Variants in ABCC1 observed in about 807,000 individuals in gnomAD.
The protein encoded by ABCC1 is multidrug resistance-associated protein 1.
ABCC1 carries 83 observed loss-of-function variants against 172.9 expected under a neutral mutation model. The ratio of observed to expected loss-of-function variants is 0.48; its 90% confidence interval spans 0.40 to 0.58. ABCC1 has a LOEUF of 0.58. ABCC1 is among the 20% of genes least tolerant of loss of function. ABCC1 has a pLI of 0.00. For synonymous variants in ABCC1, 937 were observed against 825.2 expected (o/e 1.14, Z -2.32); for missense variants, 1,817 against 2,002.7 (o/e 0.91, Z 1.77).
At chr16:16,062,645 C>T (rs922596489) in intron 12 of ABCC1, among the ~76,000 whole-genome samples, 3 of 152,140 alleles carry the variant, frequency 2.0e-5, no homozygotes, top group Non-Finnish European at 4.4e-5. Flanking sequence ...TTGTCCTGGC[C>T]GAGGCATCGA....
intron 6 of ABCC1, 118 bp from the exon 7 acceptor site, chr16:16,036,354 G>T (rs1489824700): frequency 1.4e-5 from 13 of 909,268 alleles, no homozygotes; most frequent in Non-Finnish European, 2.1e-5. Context: ...ATTTGCAGCG[G>T]GCAGCTGTGC....
At chr16:16,122,241 A>G in intron 24 of ABCC1, 67 bp downstream of exon 24, 2 of 1,564,754 alleles carry the variant, frequency 1.3e-6, no homozygotes, top group Admixed American at 3.4e-5. Flanking sequence ...CTTTGCCTCG[A>G]TCTTTTCCTC....
intron 1 of ABCC1, among the ~76,000 whole-genome samples, chr16:15,967,773 C>A (rs12923333): frequency 2.4e-4 from 33 of 138,108 alleles, no homozygotes; most frequent in African/African-American, 8.7e-4. Flanking sequence ...AAAAAAAAAA[C>A]AACAAAAAAA....
chr16:15,982,803 C>CAAAAAAAAAAAA (rs148834444), intron 1 of ABCC1, among the ~76,000 whole-genome samples: 627 of 43,178 alleles, frequency 0.015, 106 homozygotes, highest in African/African-American at 0.043. Context: ...GAGACGCTGT[C>CAAAAAAAAAAAA]AAAAAAAAAA....
intron 23 of ABCC1, 137 bp from the exon 24 acceptor site, chr16:16,121,838 T>G: frequency 1.2e-6 from 1 of 824,154 alleles, no homozygotes; most frequent in Non-Finnish European, 1.9e-6. Context: ...TGGGCACCCC[T>G]GTGAGGGCAG....
At chr16:15,985,647 G>T (rs576293075) in intron 1 of ABCC1, among the ~76,000 whole-genome samples, 2 of 152,102 alleles carry the variant, frequency 1.3e-5, no homozygotes, top group African/African-American at 4.8e-5. Context: ...GTTTCTTCAT[G>T]TTGGTCGGGC....
chr16:16,047,854 G>A (rs547751043), intron 9 of ABCC1, among the ~76,000 whole-genome samples: 3 of 108,268 alleles, frequency 2.8e-5, no homozygotes, highest in South Asian at 3.1e-4. Flanking sequence ...AGAAAAACCC[G>A]GCCGCATGTG....
intron 22 of ABCC1, among the ~76,000 whole-genome samples, chr16:16,111,899 C>T (rs1206191331): frequency 6.6e-6 from 1 of 152,152 alleles, no homozygotes; most frequent in Admixed American, 6.5e-5. Flanking sequence ...TTTGCTTTGT[C>T]ACAGTGACAG....
chr16:16,136,397 G>T, intron 28 of ABCC1, 81 bp from the exon 29 acceptor site: 2 of 1,506,090 alleles, frequency 1.3e-6, no homozygotes, highest in Non-Finnish European at 1.8e-6. Context: ...AACAGTCCTG[G>T]CCAGAAGTCC....
At chr16:16,099,988 AG>A (rs929435623) in intron 19 of ABCC1, among the ~76,000 whole-genome samples, 2 of 152,084 alleles carry the variant, frequency 1.3e-5, no homozygotes, top group Non-Finnish European at 2.9e-5. Context: ...TGGGAGGCTG[AG>A]GTGGGAGGAT....
chr16:16,105,714 C>CTTTTTTTTTTTTTTTT (rs71137912), intron 20 of ABCC1, among the ~76,000 whole-genome samples: 1 of 130,396 alleles, frequency 7.7e-6, no homozygotes, highest in Non-Finnish European at 1.6e-5. Flanking sequence ...CTTTTCTTTT[C>CTTTTTTTTTTTTTTTT]TTTTTTTTTT....
intron 5 of ABCC1, among the ~76,000 whole-genome samples, chr16:16,027,468 G>GT (rs560193338): frequency 7.9e-5 from 12 of 152,080 alleles, no homozygotes; most frequent in South Asian, 4.1e-4. Context: ...ACCCACTGGG[G>GT]TTTTTTCCCC....
At chr16:16,120,803 C>T (rs903186679) in intron 23 of ABCC1, among the ~76,000 whole-genome samples, 27 of 152,044 alleles carry the variant, frequency 1.8e-4, no homozygotes, top group African/African-American at 5.5e-4. Flanking sequence ...GGGAGGCCAT[C>T]GGAGGGGGGT....
intron 6 of ABCC1, among the ~76,000 whole-genome samples, chr16:16,035,403 A>G (rs2048716489): frequency 6.6e-6 from 1 of 152,134 alleles, no homozygotes. Flanking sequence ...TTAATATAAT[A>G]AAACTCAATA....
chr16:15,949,197 G>A (rs1054276456), upstream of ABCC1, among the ~76,000 whole-genome samples: 1 of 152,166 alleles, frequency 6.6e-6, no homozygotes, highest in Admixed American at 6.5e-5. Context: ...CTTCCTTCAT[G>A]AACGTGGAGA....
intron 16 of ABCC1, among the ~76,000 whole-genome samples, chr16:16,080,915 A>C (rs1253554703): frequency 2.0e-5 from 3 of 151,966 alleles, no homozygotes; most frequent in African/African-American, 7.3e-5. Flanking sequence ...CCCAGGCTGG[A>C]GTGCAGTCGT....
chr16:15,959,516 G>C (rs1199048105), intron 1 of ABCC1, among the ~76,000 whole-genome samples: 1 of 152,036 alleles, frequency 6.6e-6, no homozygotes, highest in Non-Finnish European at 1.5e-5. Flanking sequence ...TGTAGAGTCA[G>C]GGTCTCACCA....
At chr16:16,136,379 C>T in intron 28 of ABCC1, 99 bp from the exon 29 acceptor site, 3 of 1,335,980 alleles carry the variant, frequency 2.2e-6, no homozygotes, top group African/African-American at 1.5e-5. Flanking sequence ...CTCTGATACC[C>T]CACCTTCAAC....
In ABCC1 at chr16:16,134,356, A is replaced by C; in HGVS notation, c.3973A>C (p.Ile1325Leu). The C allele has an allele frequency of 6.2e-7, 1 of 1,614,152 alleles. No individual in the cohort carries two copies. Among genetic ancestry groups the C allele is most frequent in the Non-Finnish European group, 8.5e-7 (1 of 1,180,030 alleles). ...VTINGGEKVG[I>L]VGRTGAGKSS... ...GGGCCCTTCTGTCCTGCAGGTCGGC[A>C]TCGTGGGGCGGACGGGAGCTGGGAA... Residue 1325 changes from isoleucine to leucine, a missense_variant, in exon 28 of 31, where the codon ATC becomes CTC. Transcript: ENST00000399410.
Sources: allele counts gnomAD v4.1 joint callset (sites outside exome capture counted in the v4.1 genomes callset), GRCh38; gene constraint gnomAD v4.1.1; transcripts MANE v1.5; gene names NCBI Gene and HGNC (gene_info 2026-07-23, HGNC 2026-07-21).